Variants in ATRN observed in about 807,000 individuals in gnomAD.
ATRN encodes the protein attractin-2.
A neutral mutation model predicts 178.7 loss-of-function variants in ATRN; 54 were observed. The ratio of observed to expected loss-of-function variants is 0.30; its 90% CI spans 0.24 to 0.38. ATRN has a LOEUF of 0.38. Ranked by LOEUF, ATRN falls within the 10% of genes least tolerant of loss-of-function variation. The probability of loss-of-function intolerance (pLI) is 1.00; values close to 1 mark genes in which losing one functional copy is unlikely to be tolerated. For synonymous variants in ATRN, 636 were observed against 663.0 expected, an observed-to-expected ratio of 0.96 and a Z score of 0.63; for missense variants, 1,443 against 1,815.1, an observed-to-expected ratio of 0.79 and a Z score of 3.73.
chr20:3,564,263 A>T (rs2085996922), intron 10 of ATRN, among the ~76,000 whole-genome samples: 1 of 152,242 alleles, frequency 6.6e-6, no homozygotes, highest in Non-Finnish European at 1.5e-5. Context: ...GCTGAAAAGA[A>T]TGTATGAGAG....
chr20:3,576,131 A>G (rs987662616), intron 13 of ATRN, among the ~76,000 whole-genome samples, 183 bp downstream of exon 13: 1 of 152,196 alleles, frequency 6.6e-6, no homozygotes, highest in African/African-American at 2.4e-5. Context: ...GGGTCCTACT[A>G]GCCCTGGGAA....
intron 9 of ATRN, among the ~76,000 whole-genome samples, 198 bp downstream of exon 9, chr20:3,562,657 A>G (rs1467680977): frequency 4.6e-5 from 7 of 152,242 alleles, no homozygotes; most frequent in Non-Finnish European, 1.0e-4. Flanking sequence ...GTAATTCTGT[A>G]GCAGGTTGGT....
At position 3,578,611 on chromosome 20, in the gene ATRN, G is replaced by C; in HGVS notation, c.2383G>C (p.Val795Leu). The change falls in exon 15 of 29, where the codon GTT becomes CTT. Residue 795 changes from valine to leucine, a missense_variant. Coordinates refer to ENST00000262919, the MANE Select transcript of ATRN (RefSeq NM_139321.3). ...ENICGIGWHL[V>L]GNSCLKITTA... ...TATCTGTGGCATTGGCTGGCATTTG[G>C]TTGGAAACTCATGTTTGAAAATTAC... The C allele has an allele frequency of 6.2e-7, 1 of 1,610,512 alleles. No homozygotes were observed. The highest frequency in any genetic ancestry group is 8.5e-7 in the Non-Finnish European group (1 of 1,178,078).
intron 1 of ATRN, among the ~76,000 whole-genome samples, chr20:3,472,279 A>G (rs1599985115): frequency 6.6e-6 from 1 of 152,266 alleles, no homozygotes; most frequent in South Asian, 2.1e-4. Context: ...ATGATTTTCC[A>G]GATAATACAG....
chr20:3,563,287 A>C lies in ATRN; in HGVS notation c.1710A>C (p.Gly570=). 6.2e-7 allele frequency: 1 copy of C among 1,614,090 alleles called. No homozygotes were observed. The highest frequency in any genetic ancestry group is 1.1e-5 in the South Asian group (1 of 91,084). Residue 570 remains glycine, a synonymous_variant, in exon 10 of 29, where the codon GGA becomes GGC. Coordinates refer to ENST00000262919, the MANE Select transcript of ATRN (RefSeq NM_139321.3). The stretch of plus-strand genomic sequence containing the variant: ...TGAGTGGAACCATGCTGGTGTTTGG[A>C]GGAAACACACACAATGACACATCTA... ...VIVSGTMLVF[G]GNTHNDTSMS...
At chr20:3,641,366 G>A (rs191847276) in intron 27 of ATRN, among the ~76,000 whole-genome samples, 30 of 151,968 alleles carry the variant, frequency 2.0e-4, no homozygotes, top group Admixed American at 1.6e-3. Context: ...CGAGGCGGGC[G>A]GATCACTTGA....
chr20:3,535,069 T>TATGCAATTTAGATGAAATCTGA (rs1393553051), intron 1 of ATRN, among the ~76,000 whole-genome samples, 184 bp from the exon 2 acceptor site: 6 of 152,074 alleles, frequency 3.9e-5, no homozygotes. Flanking sequence ...CATCTAAATT[T>TATGCAATTTAGATGAAATCTGA]ATGCAATCTG....
Position 3,471,045 on chromosome 20 carries a change from A to T in ATRN, c.-63A>T. 7.0e-7 allele frequency: 1 copy of T among 1,434,916 alleles called. No individual in the cohort carries two copies. The highest frequency in any genetic ancestry group is 9.1e-7 in the Non-Finnish European group (1 of 1,099,564). 88.9% of individuals were successfully genotyped at this position (1,434,916 alleles called of 1,614,324 possible). A position where few individuals can be genotyped will look rare whatever the true frequency, so the allele number is the denominator to read the frequency against. ...AGCCCCGCCCCGCACGGCCAGGCGA[A>T]GCGGAGCCGGCCGTGCGGTGTGTGT... On this transcript the variant is annotated 5_prime_UTR_variant, in exon 1 of 29. The change creates a new upstream start codon in the 5' untranslated region. Coordinates refer to ENST00000262919, the MANE Select transcript of ATRN (RefSeq NM_139321.3).
At chr20:3,489,885 G>A (rs2084760643) in intron 1 of ATRN, 2 of 1,297,122 alleles carry the variant, frequency 1.5e-6, no homozygotes, top group South Asian at 1.2e-5. Flanking sequence ...CCAGCCAAGT[G>A]GCAGGTTTTT....
intron 1 of ATRN, among the ~76,000 whole-genome samples, chr20:3,492,203 G>GTGTGTGTT (rs1198886946): frequency 6.7e-6 from 1 of 148,226 alleles, no homozygotes; most frequent in Admixed American, 6.8e-5. Context: ...GTGTGTGTGT[G>GTGTGTGTT]TATCCGTTCT....
At chr20:3,619,088 G>T (rs1245384901) in intron 24 of ATRN, among the ~76,000 whole-genome samples, 1 of 152,212 alleles carries the variant, frequency 6.6e-6, no homozygotes, top group East Asian at 1.9e-4. Context: ...AGCCTGCGGA[G>T]ATTCTGCCCA....
At position 3,572,845 on chromosome 20, in the gene ATRN, T is replaced by C; in HGVS notation, c.1986T>C (p.Pro662=). Residue 662 remains proline, a synonymous_variant, in exon 12 of 29, where the codon CCT becomes CCC. Transcript: ENST00000262919. ...AAGCCGCTTGTTTAGCAGCAGGACCTGGTATTCGGTGTGTGTGGAACACAG... is the reference window on the plus strand; with the variant it reads ...AAGCCGCTTGTTTAGCAGCAGGACCCGGTATTCGGTGTGTGTGGAACACAG... The part of the protein sequence containing the change: ...RSEAACLAAG[P]GIRCVWNTGS... The C allele has an allele frequency of 6.2e-7, 1 of 1,613,478 alleles. No individual in the cohort carries two copies.
intron 24 of ATRN, among the ~76,000 whole-genome samples, chr20:3,623,480 A>G (rs1409085306): frequency 6.6e-6 from 1 of 152,180 alleles, no homozygotes; most frequent in African/African-American, 2.4e-5. Flanking sequence ...AAACAGTGGA[A>G]GTCTATTTTC....
chr20:3,490,571 T>C lies in ATRN; in HGVS notation c.410+19054T>C, dbSNP rs532775483. On this transcript the variant is annotated intron_variant, in intron 1 of 28. Transcript: ENST00000262919. ...AGCTTCTCAGATGCCTTCACGTTAA[T>C]GTACTTGAGGTAACAGTCACGGAGA... 24 of 1,060,568 alleles carry C rather than the reference T, an allele frequency of 2.3e-5. No homozygotes were observed. In the Admixed American group the frequency reaches 2.5e-4, roughly 11 times the overall value. 65.7% of individuals were successfully genotyped at this position (1,060,568 alleles called of 1,614,324 possible). A position where few individuals can be genotyped will look rare whatever the true frequency, so the allele number is the denominator to read the frequency against.
At chr20:3,485,329 T>A (rs2084675454) in intron 1 of ATRN, among the ~76,000 whole-genome samples, 1 of 152,162 alleles carries the variant, frequency 6.6e-6, no homozygotes, top group African/African-American at 2.4e-5. Context: ...CTTGTGTAAT[T>A]AATGAGCTAG....
chr20:3,636,048 A>ATTAG (rs1428755566), intron 26 of ATRN, among the ~76,000 whole-genome samples: 1 of 152,246 alleles, frequency 6.6e-6, no homozygotes, highest in Admixed American at 6.5e-5. Flanking sequence ...CAAGAAGGAC[A>ATTAG]TTAGACCCAG....
intron 4 of ATRN, 38 bp downstream of exon 4, chr20:3,545,928 G>GGA: frequency 6.3e-7 from 1 of 1,598,558 alleles, no homozygotes; most frequent in Non-Finnish European, 8.6e-7. Context: ...ATTTCATTCA[G>GGA]GAGACTATCT....
chr20:3,540,148 CT>C, intron 2 of ATRN, 73 bp from the exon 3 acceptor site: 1 of 854,576 alleles, frequency 1.2e-6, no homozygotes. Context: ...ATTTAAAAAT[CT>C]GAATTTTTAT....
chr20:3,582,454 C>A, intron 16 of ATRN, 100 bp downstream of exon 16: 1 of 1,064,002 alleles, frequency 9.4e-7, no homozygotes, highest in Non-Finnish European at 1.4e-6. Flanking sequence ...GTCATGAAAA[C>A]AGATGAAGTA....
Sources: gnomAD v4.1 joint callset for allele counts (sites outside exome capture counted in the v4.1 genomes callset) on GRCh38, gnomAD v4.1.1 for gene constraint, MANE v1.5 for transcripts, NCBI Gene and HGNC (gene_info 2026-07-23, HGNC 2026-07-21) for gene names.